ALPG: variants seen among roughly 807,000 people sequenced by gnomAD.
ALPG encodes alkaline phosphatase, germ cell type.
A neutral mutation model predicts 48.6 loss-of-function variants in ALPG; 32 were observed. The observed-to-expected ratio is 0.66, with a 90% CI of 0.50 to 0.88. The LOEUF is 0.88. Ranked by LOEUF, ALPG falls within the 40% of genes least tolerant of loss-of-function variation. The probability of loss-of-function intolerance (pLI) is 0.00; values close to 1 mark genes in which losing one functional copy is unlikely to be tolerated. For synonymous variants in ALPG, 244 were observed against 308.9 expected, an observed-to-expected ratio of 0.79 and a Z score of 2.20; for missense variants, 533 against 718.1, an observed-to-expected ratio of 0.74 and a Z score of 2.95.
In ALPG at chr2:232,409,684, G is replaced by A. The variant is rs1697154326; in HGVS notation, c.1411G>A (p.Val471Met). ...RGPQAHLVHG[V>M]QEQTFIAHVM... ...CCCGCAGGCGCACCTGGTTCACGGCGTGCAGGAGCAGACCTTCATAGCGCA... is the reference window on the plus strand; with the variant it reads ...CCCGCAGGCGCACCTGGTTCACGGCATGCAGGAGCAGACCTTCATAGCGCA... The change falls in exon 11 of 11, where the codon GTG (valine) becomes ATG (methionine). Residue 471 changes from valine to methionine, a missense_variant. Physicochemically the swap from Val to Met is conservative, Grantham distance 21. Around this residue, in one of 6 missense-constraint regions of ALPG, gnomAD observed 145 missense variants for 174.3 expected, o/e 0.83. Transcript: ENST00000295453. The A allele has an allele frequency of 6.2e-7, 1 of 1,611,494 alleles. No homozygotes were observed. Among genetic ancestry groups the A allele is most frequent in the African/African-American group, 1.3e-5 (1 of 74,984 alleles).
rs1366037743 is a variant in ALPG, at chr2:232,407,890, C to T, written c.521C>T (p.Ser174Leu). The T allele has an allele frequency of 6.8e-6, 11 of 1,613,342 alleles. No individual in the cohort carries two copies. Among genetic ancestry groups the T allele is most frequent in the African/African-American group, 4.0e-5 (3 of 74,946 alleles). ...ACCACCACACGGGTGCAGCATGCCT[C>T]GCCAGCCGGCGCCTACGCCCACACG... ...VVTTTRVQHA[S>L]PAGAYAHTVN... The change falls in exon 5 of 11, where the codon TCG becomes TTG. Residue 174 changes from serine (S) to leucine (L), a missense_variant. Ser to Leu is a moderately radical substitution (Grantham distance 145, BLOSUM62 -2). Transcript: ENST00000295453.
Position 232,410,271 on chromosome 2 carries a change from A to C in ALPG, c.*399A>C. 1 of 254,732 alleles carries C rather than the reference A, an allele frequency of 3.9e-6. No individual in the cohort carries two copies. The highest frequency in any genetic ancestry group is 7.5e-6 in the Non-Finnish European group (1 of 133,978). 15.8% of individuals were successfully genotyped at this position (254,732 alleles called of 1,614,324 possible). ...CTTCAGTCATGGCAGCACCTGAGGG[A>C]CACAAGGACTTGGGTGCATCAGGAC... is the stretch of plus-strand genomic sequence containing the variant. On this transcript the variant is annotated 3_prime_UTR_variant, in exon 11 of 11. Coordinates refer to ENST00000295453, the MANE Select transcript of ALPG (RefSeq NM_031313.3).
Position 232,408,301 on chromosome 2 carries a change from C to T in ALPG, c.683C>T (p.Pro228Leu), listed in dbSNP as rs75920311. Residue 228 changes from proline to leucine, a missense_variant, in exon 6 of 11, where the codon CCC becomes CTC. Physicochemically the swap from Pro to Leu is moderately conservative, Grantham distance 98. Transcript: ENST00000295453. The stretch of plus-strand genomic sequence containing the variant: ...GGTGGAGGCCGAAAGTACATGTTTC[C>T]CATGGGGACCCCAGACCCTGAGTAC... Reference protein sequence around the residue: ...ILGGGRKYMFPMGTPDPEYPD... With the variant: ...ILGGGRKYMFLMGTPDPEYPD... 3 of 1,552,274 alleles carry T rather than the reference C, an allele frequency of 1.9e-6. No homozygotes were observed. The African/African-American group carries it at 4.1e-5, about 21-fold the overall frequency.
rs1697088762 is a variant in ALPG at position 232,406,926 on chromosome 2, G to A, written c.32G>A (p.Gly11Asp). 4.3e-6 allele frequency: 7 copies of A among 1,612,904 alleles called. No homozygotes were observed. The East Asian group carries it at 1.6e-4, about 36-fold the overall frequency. Residue 11 changes from glycine (G) to aspartate (D), a missense_variant, in exon 1 of 11, where the codon GGC becomes GAC. By Grantham distance (94) the Gly-to-Asp change is moderately conservative (BLOSUM62 -1). Around this residue, in one of 6 missense-constraint regions of ALPG, gnomAD observed 315 missense variants for 305.8 expected, o/e 1.03. Transcript: ENST00000295453. MQGPWVLLLL[G>D]LRLQLSLGII... ...GGGCCCTGGGTGCTGCTCCTGCTGG[G>A]CCTGAGGCTACAGCTCTCCCTGGGC...
In ALPG at chr2:232,409,997, T is replaced by G. The variant is rs1697161669; in HGVS notation, c.*125T>G. 7.3e-7 allele frequency: 1 copy of G among 1,377,756 alleles called. No individual in the cohort carries two copies. The highest frequency in any genetic ancestry group is 9.6e-7 in the Non-Finnish European group (1 of 1,045,514). 85.3% of individuals were successfully genotyped at this position (1,377,756 alleles called of 1,614,324 possible). A position where few individuals can be genotyped will look rare whatever the true frequency, so the allele number is the denominator to read the frequency against. On this transcript the variant is annotated 3_prime_UTR_variant, in exon 11 of 11. Transcript: ENST00000295453. ...GAGTCGCCACACAGACGTCCTGCCA[T>G]GGAACCTTCCCCTCCCGGTGCACCC...
chr2:232,408,308 G>A lies in ALPG; in HGVS notation c.690G>A (p.Gly230=), dbSNP rs75080031. 98,671 of 1,539,114 alleles carry A rather than the reference G, an allele frequency of 0.064. 6,347 individuals are homozygous for A. The highest frequency in any genetic ancestry group is 0.16 in the African/African-American group (11,624 of 71,870). ...GCCGAAAGTACATGTTTCCCATGGG[G>A]ACCCCAGACCCTGAGTACCCAGATG... ...GGGRKYMFPM[G]TPDPEYPDDY... is the part of the protein sequence containing the mutation. Residue 230 remains glycine (G), a synonymous_variant, in exon 6 of 11, where the codon GGG becomes GGA. Transcript: ENST00000295453.
Position 232,409,926 on chromosome 2 carries a change from A to T in ALPG, c.*54A>T. On this transcript the variant is annotated 3_prime_UTR_variant, in exon 11 of 11. Coordinates refer to ENST00000295453, the MANE Select transcript of ALPG (RefSeq NM_031313.3). Reference sequence around the variant, plus strand: ...CCATCCCGGAGTTCCCCTGCTCCCCACCTCCAGTCGTCCTGCCGGACCTCC... The same window carrying T: ...CCATCCCGGAGTTCCCCTGCTCCCCTCCTCCAGTCGTCCTGCCGGACCTCC... The T allele has an allele frequency of 6.7e-7, 1 of 1,485,412 alleles. No individual in the cohort carries two copies. Among genetic ancestry groups the T allele is most frequent in the Non-Finnish European group, 8.9e-7 (1 of 1,124,184 alleles). The allele number at this position is 1,485,412 out of a possible 1,614,324, so 92.0% of individuals were successfully genotyped here.
rs1697169818 is a variant in ALPG, at chr2:232,410,548, G to T, written c.*676G>T. ...CACCTGAGTTCCGAGGAGCACCTGG[G>T]AAGCTCTGGGTGCAGGATAGCAGTC... is the stretch of plus-strand genomic sequence containing the variant. On this transcript the variant is annotated 3_prime_UTR_variant, in exon 11 of 11. Coordinates refer to ENST00000295453, the MANE Select transcript of ALPG (RefSeq NM_031313.3). 6.5e-6 allele frequency: 1 copy of T among 152,770 alleles called. No homozygotes were observed. Among genetic ancestry groups the T allele is most frequent in the South Asian group, 2.1e-4 (1 of 4,842 alleles). 9.5% of individuals were successfully genotyped at this position (152,770 alleles called of 1,614,324 possible). A position where few individuals can be genotyped will look rare whatever the true frequency, so the allele number is the denominator to read the frequency against.
At chr2:232,408,213 G>T in intron 5 of ALPG, 54 bp from the exon 6 acceptor site, 3 of 1,606,262 alleles carry the variant, frequency 1.9e-6, no homozygotes, top group Non-Finnish European at 2.6e-6. Context: ...CATGAGGAGG[G>T]GACACGGGGC....
chr2:232,408,030 G>A lies in ALPG; in HGVS notation c.648+13G>A. Reference sequence around the variant, plus strand: ...CATGGACATTGATGTGCGACCCCCGGGCCAAGGGCTGGGGCTGGGCAGAGA... The same window carrying A: ...CATGGACATTGATGTGCGACCCCCGAGCCAAGGGCTGGGGCTGGGCAGAGA... On this transcript the variant is annotated intron_variant, in intron 5 of 10. Transcript: ENST00000295453. 2.5e-6 allele frequency: 4 copies of A among 1,603,788 alleles called. No homozygotes were observed. Among genetic ancestry groups the A allele is most frequent in the Non-Finnish European group, 3.4e-6 (4 of 1,175,144 alleles).
In ALPG at chr2:232,409,391, G is replaced by C; in HGVS notation, c.1243G>C (p.Gly415Arg). 6.3e-7 allele frequency: 1 copy of C among 1,584,844 alleles called. No homozygotes were observed. Among genetic ancestry groups the C allele is most frequent in the Non-Finnish European group, 8.6e-7 (1 of 1,162,620 alleles). Residue 415 changes from glycine (G) to arginine (R), a missense_variant, in exon 10 of 11, where the codon GGT becomes CGT. Physicochemically the swap from Gly to Arg is moderately radical, Grantham distance 125. Around this residue, in one of 6 missense-constraint regions of ALPG, gnomAD observed 11 missense variants for 29.7 expected, o/e 0.37. Transcript: ENST00000295453. ...KAYTVLLYGN[G>R]PGYVLKDGAR... ...CTACACGGTCCTCCTATACGGAAAC[G>C]GTCCAGGCTATGTGCTCAAGGACGG...
At chr2:232,408,042 G>T (rs1039322093) in intron 5 of ALPG, 25 bp downstream of exon 5, 1 of 1,596,508 alleles carries the variant, frequency 6.3e-7, no homozygotes, top group Non-Finnish European at 8.5e-7. Context: ...CCAAGGGCTG[G>T]GGCTGGGCAG....
Position 232,408,918 on chromosome 2 carries a change from C to A in ALPG, c.992-3C>A, listed in dbSNP as rs1475370513. On this transcript the variant is annotated splice_region_variant and splice_polypyrimidine_tract_variant and intron_variant, in intron 8 of 10. Coordinates refer to ENST00000295453, the MANE Select transcript of ALPG (RefSeq NM_031313.3). Reference sequence around the variant, plus strand: ...GCATCTCCCCCCTCTGGCCTTCCTGCAGGTGGTCGCATCGACCATGGTCAT... The same window carrying A: ...GCATCTCCCCCCTCTGGCCTTCCTGAAGGTGGTCGCATCGACCATGGTCAT... The A allele has an allele frequency of 2.0e-6, 2 of 977,772 alleles. No homozygotes were observed. Among genetic ancestry groups the A allele is most frequent in the South Asian group, 1.6e-5 (1 of 62,594 alleles). The allele number at this position is 977,772 out of a possible 1,614,324, so 60.6% of individuals were successfully genotyped here.
chr2:232,407,656 G>C lies in ALPG; in HGVS notation c.363G>C (p.Gly121=). The change falls in exon 4 of 11, where the codon GGG becomes GGC. Residue 121 remains glycine, a synonymous_variant. Transcript: ENST00000295453. ...CCACAGCCACGGCCTACCTGTGCGG[G>C]GTCAAGGGCAACTTCCAGACCATTG... ...SGATATAYLC[G]VKGNFQTIGL... is the part of the protein sequence containing the mutation. 6.2e-7 allele frequency: 1 copy of C among 1,613,950 alleles called. No homozygotes were observed. The highest frequency in any genetic ancestry group is 8.5e-7 in the Non-Finnish European group (1 of 1,180,024).
rs201386721 is a variant in ALPG at position 232,410,299 on chromosome 2, CT to C, written c.*429del. ...CAAGGACTTGGGTGCATCAGGACGC[CT>C]TGGAGAAGCGTGGCTTCCTGCCACC... On this transcript the variant is annotated 3_prime_UTR_variant, in exon 11 of 11. Transcript: ENST00000295453. 4.9e-3 allele frequency: 1,038 copies of C among 209,806 alleles called. 17 individuals are homozygous for C. The highest frequency in any genetic ancestry group is 0.022 in the African/African-American group (957 of 42,574). 13.0% of individuals were successfully genotyped at this position (209,806 alleles called of 1,614,324 possible).
chr2:232,407,564 G>A lies in ALPG; in HGVS notation c.301-30G>A, dbSNP rs748069109. On this transcript the variant is annotated intron_variant, in intron 3 of 10. Coordinates refer to ENST00000295453, the MANE Select transcript of ALPG (RefSeq NM_031313.3). Reference sequence around the variant, plus strand: ...ATCAGGGTCTTGTTTGTCTGCCCCAGAGAAGAGCTCAGAGTGTCTCTGTCC... The same window carrying A: ...ATCAGGGTCTTGTTTGTCTGCCCCAAAGAAGAGCTCAGAGTGTCTCTGTCC... 2.0e-5 allele frequency: 32 copies of A among 1,612,946 alleles called. No individual in the cohort carries two copies. The African/African-American group carries it at 3.1e-4, about 15-fold the overall frequency.
chr2:232,410,081 C>A lies in ALPG; in HGVS notation c.*209C>A. ...TTTATCTTGCTCTTGAAATTTTGGC[C>A]CCAACTCCAGGGACTGGGGATTTGT... On this transcript the variant is annotated 3_prime_UTR_variant, in exon 11 of 11. Coordinates refer to ENST00000295453, the MANE Select transcript of ALPG (RefSeq NM_031313.3). 1 of 821,122 alleles carries A rather than the reference C, an allele frequency of 1.2e-6. No individual in the cohort carries two copies. Among genetic ancestry groups the A allele is most frequent in the Non-Finnish European group, 1.8e-6 (1 of 544,590 alleles). 50.9% of individuals were successfully genotyped at this position (821,122 alleles called of 1,614,324 possible).
At chr2:232,407,812 T>A (rs2106390601) in intron 4 of ALPG, 33 bp from the exon 5 acceptor site, 1 of 1,613,660 alleles carries the variant, frequency 6.2e-7, no homozygotes, top group Non-Finnish European at 8.5e-7. Flanking sequence ...GTGACAGACC[T>A]CTATCGCATA....
In ALPG at chr2:232,407,623, C is replaced by G. The variant is rs1306655228; in HGVS notation, c.330C>G (p.Asp110Glu). Reference protein sequence around the residue: ...KTYSVDKHVPDSGATATAYLC... With the variant: ...KTYSVDKHVPESGATATAYLC... ...ACAGTGTAGACAAGCATGTGCCAGA[C>G]AGTGGAGCCACAGCCACGGCCTACC... is the stretch of plus-strand genomic sequence containing the variant. The change falls in exon 4 of 11, where the codon GAC becomes GAG. Residue 110 changes from aspartate (D) to glutamate (E), a missense_variant. By Grantham distance (45) the Asp-to-Glu change is conservative. Coordinates refer to ENST00000295453, the MANE Select transcript of ALPG (RefSeq NM_031313.3). 1.9e-6 allele frequency: 3 copies of G among 1,613,802 alleles called. No homozygotes were observed. The highest frequency in any genetic ancestry group is 2.5e-6 in the Non-Finnish European group (3 of 1,180,036).
Sources: allele counts gnomAD v4.1 joint callset, GRCh38; gene constraint gnomAD v4.1.1; regional missense constraint gnomAD v4.1.1; transcripts MANE v1.5; gene names NCBI Gene and HGNC (gene_info 2026-07-23, HGNC 2026-07-21).